Variants in ARB2A observed in about 807,000 individuals in gnomAD.
The protein encoded by ARB2A is cotranscriptional regulator ARB2A.
At chr5:93,895,636 T>C in the ARB2A span, among the ~76,000 whole-genome samples, 33 of 152,116 alleles carry the variant, frequency 2.2e-4, no homozygotes, top group Admixed American at 2.1e-3. Context: ...CACATCATAA[T>C]GTGCTTTTAT....
the ARB2A span, among the ~76,000 whole-genome samples, chr5:93,988,331 C>G: frequency 6.6e-6 from 1 of 152,116 alleles, no homozygotes; most frequent in Admixed American, 6.5e-5. Context: ...CATCTGGTCC[C>G]TATCTATTTC....
chr5:93,953,636 T>G, the ARB2A span, among the ~76,000 whole-genome samples: 1 of 152,078 alleles, frequency 6.6e-6, no homozygotes, highest in East Asian at 1.9e-4. Flanking sequence ...CGGCCTGCAG[T>G]AACCACTGCC....
At chr5:94,065,625 G>T in the ARB2A span, among the ~76,000 whole-genome samples, 2 of 152,232 alleles carry the variant, frequency 1.3e-5, no homozygotes, top group East Asian at 3.9e-4. Context: ...AGTAAAAAGA[G>T]ACTAAGAAGG....
At chr5:94,080,250 TAA>T in the ARB2A span, among the ~76,000 whole-genome samples, 3 of 152,126 alleles carry the variant, frequency 2.0e-5, no homozygotes, top group African/African-American at 7.2e-5. Flanking sequence ...ATAAACTACT[TAA>T]GAGACTCTAA....
the ARB2A span, among the ~76,000 whole-genome samples, chr5:93,704,215 T>C: frequency 6.6e-6 from 1 of 152,176 alleles, no homozygotes; most frequent in Non-Finnish European, 1.5e-5. Context: ...AAGTATGAGA[T>C]GATGGGAAAG....
At chr5:93,887,152 A>G in the ARB2A span, among the ~76,000 whole-genome samples, 11 of 151,746 alleles carry the variant, frequency 7.2e-5, no homozygotes, top group East Asian at 1.7e-3. Context: ...AAGGTCATGC[A>G]TGGGCTGATA....
the ARB2A span, among the ~76,000 whole-genome samples, chr5:93,770,110 C>T: frequency 2.0e-5 from 3 of 152,092 alleles, no homozygotes; most frequent in East Asian, 5.8e-4. Flanking sequence ...GAAATAGATG[C>T]TCTTAAACCC....
At chr5:93,869,409 A>T in the ARB2A span, among the ~76,000 whole-genome samples, 12 of 152,194 alleles carry the variant, frequency 7.9e-5, no homozygotes, top group Non-Finnish European at 1.8e-4. Flanking sequence ...AGGGAGCTCA[A>T]TTTGAAGAAT....
At chr5:94,104,908 C>T in the ARB2A span, among the ~76,000 whole-genome samples, 2 of 152,026 alleles carry the variant, frequency 1.3e-5, no homozygotes, top group African/African-American at 2.4e-5. Context: ...ACCATATGAT[C>T]ATCTCAATAG....
the ARB2A span, among the ~76,000 whole-genome samples, chr5:93,745,463 T>C: frequency 6.6e-6 from 1 of 152,154 alleles, no homozygotes; most frequent in Admixed American, 6.5e-5. Flanking sequence ...GCTCTGAGTA[T>C]AGTAAGTCCA....
the ARB2A span, among the ~76,000 whole-genome samples, chr5:93,857,444 C>T: frequency 2.0e-5 from 3 of 152,268 alleles, no homozygotes; most frequent in Admixed American, 6.5e-5. Context: ...CCACCCAGTT[C>T]GAGCTTCCCG....
the ARB2A span, among the ~76,000 whole-genome samples, chr5:94,086,088 G>C: frequency 6.6e-6 from 1 of 152,138 alleles, no homozygotes; most frequent in Non-Finnish European, 1.5e-5. Context: ...TTGAATCTTG[G>C]ATTCAGGGGT....
the ARB2A span, among the ~76,000 whole-genome samples, chr5:93,985,927 T>C: frequency 6.8e-6 from 1 of 147,710 alleles, no homozygotes; most frequent in African/African-American, 2.5e-5. Context: ...CCACCCAGTC[T>C]GGGAAGTGAG....
At chr5:93,891,666 CCTT>C in the ARB2A span, among the ~76,000 whole-genome samples, 1 of 151,912 alleles carries the variant, frequency 6.6e-6, no homozygotes, top group Admixed American at 6.6e-5. Flanking sequence ...AGAAAAGAAA[CCTT>C]ATTATGAGTA....
At chr5:93,654,062 G>T in the ARB2A span, among the ~76,000 whole-genome samples, 1 of 152,184 alleles carries the variant, frequency 6.6e-6, no homozygotes, top group Non-Finnish European at 1.5e-5. Context: ...TGCTAGGTGT[G>T]AAGATACAAA....
chr5:93,948,017 G>A, the ARB2A span, among the ~76,000 whole-genome samples: 1 of 151,952 alleles, frequency 6.6e-6, no homozygotes, highest in African/African-American at 2.4e-5. Flanking sequence ...CAGTCCTTTG[G>A]GTATATACCC....
the ARB2A span, among the ~76,000 whole-genome samples, chr5:93,824,831 G>T: frequency 6.6e-6 from 1 of 152,198 alleles, no homozygotes; most frequent in Non-Finnish European, 1.5e-5. Context: ...GCATTTTTCT[G>T]CTAAAGCTTT....
At chr5:93,999,512 G>GT in the ARB2A span, among the ~76,000 whole-genome samples, 51 of 151,966 alleles carry the variant, frequency 3.4e-4, no homozygotes, top group African/African-American at 7.7e-4. Flanking sequence ...CTTTTTTTAA[G>GT]TTTTTTTAGA....
At chr5:93,624,436 T>C in the ARB2A span, among the ~76,000 whole-genome samples, 2 of 152,218 alleles carry the variant, frequency 1.3e-5, no homozygotes, top group African/African-American at 2.4e-5. Context: ...TTTTTCCACA[T>C]TAAATATCTG....
Sources: gnomAD v4.1 joint callset for allele counts (sites outside exome capture counted in the v4.1 genomes callset) on GRCh38, gnomAD v4.1.1 for gene constraint, MANE v1.5 for transcripts, NCBI Gene and HGNC (gene_info 2026-07-23, HGNC 2026-07-21) for gene names.